The following KIAA0513 variants were observed in gnomAD, a reference collection of about 807,000 sequenced individuals.
KIAA0513 encodes KIAA0513, also known as uncharacterized protein KIAA0513.
A neutral mutation model predicts 56.5 loss-of-function variants in KIAA0513; 39 were observed. That is an observed-to-expected ratio of 0.69 (90% CI 0.53 to 0.90). KIAA0513 has a LOEUF of 0.90. Ranked by LOEUF, KIAA0513 falls within the 40% of genes least tolerant of loss-of-function variation. The pLI is 0.00. For synonymous variants in KIAA0513, 268 were observed against 215.6 expected (o/e 1.24, Z -2.13); for missense variants, 591 against 535.2 (o/e 1.10, Z -1.03).
At position 85,081,507 on chromosome 16, in the gene KIAA0513, T is replaced by C. The variant is rs145579267; in HGVS notation, c.980+115T>C. 145 of 941,034 alleles carry C rather than the reference T, an allele frequency of 1.5e-4. No homozygotes were observed. The highest frequency in any genetic ancestry group is 2.1e-4 in the Non-Finnish European group (126 of 596,634). 58.3% of individuals were successfully genotyped at this position (941,034 alleles called of 1,614,324 possible). A position where few individuals can be genotyped will look rare whatever the true frequency, so the allele number is the denominator to read the frequency against. On this transcript the variant is annotated intron_variant, in intron 9 of 12. Transcript: ENST00000683363. The surrounding 1 kb of genome is among the most constrained non-coding windows in gnomAD (Gnocchi z 4.4). ...GCAGCTGAGTGGACGTGTCTGTTTTTTCTTCACCCCCTCATGGCCCTGGTG... is the reference window on the plus strand; with the variant it reads ...GCAGCTGAGTGGACGTGTCTGTTTTCTCTTCACCCCCTCATGGCCCTGGTG...
intron 1 of KIAA0513, among the ~76,000 whole-genome samples, chr16:85,052,419 C>T (rs1453648735): frequency 4.6e-5 from 7 of 152,068 alleles, no homozygotes; most frequent in Admixed American, 2.6e-4. Flanking sequence ...GGCTGAGGCA[C>T]CAGAATCGCT....
In KIAA0513 at chr16:85,089,063, A is replaced by G. The variant is rs1213086053; in HGVS notation, c.*738A>G. On this transcript the variant is annotated 3_prime_UTR_variant, in exon 13 of 13. Coordinates refer to ENST00000683363, the MANE Select transcript of KIAA0513 (RefSeq NM_001388359.1). This position sits in a 1 kb window ranked among gnomAD's most constrained non-coding sequence, Gnocchi z 4.2. ...AGCAGTGCCGAGGTGTCCGCGGCAG[A>G]CCACACAGACCGTCTGAAATGCGCC... 6.6e-6 allele frequency: 1 copy of G among 152,244 alleles called. No individual in the cohort carries two copies. The highest frequency in any genetic ancestry group is 1.5e-5 in the Non-Finnish European group (1 of 68,040). The allele number at this position is 152,244 out of a possible 1,614,324, so 9.4% of individuals were successfully genotyped here. A position where few individuals can be genotyped will look rare whatever the true frequency, so the allele number is the denominator to read the frequency against.
intron 1 of KIAA0513, among the ~76,000 whole-genome samples, chr16:85,052,030 A>G (rs1311561753): frequency 1.3e-5 from 2 of 150,974 alleles, no homozygotes; most frequent in Non-Finnish European, 1.5e-5. Context: ...CCTTTCTAAA[A>G]CGACGCATTG....
intron 7 of KIAA0513, 68 bp from the exon 8 acceptor site, chr16:85,078,857 C>T (rs1240350211): frequency 1.1e-5 from 17 of 1,539,522 alleles, no homozygotes; most frequent in Non-Finnish European, 1.5e-5. Flanking sequence ...GGGAGGCTGT[C>T]ACCCGGGGTT....
At chr16:85,030,662 G>GT (rs1037706424) in intron 1 of KIAA0513, among the ~76,000 whole-genome samples, 4 of 151,674 alleles carry the variant, frequency 2.6e-5, no homozygotes, top group African/African-American at 9.7e-5. Flanking sequence ...CAGAATCACT[G>GT]GAACCCAGGA....
At chr16:85,029,756 G>T (rs1280600570) in intron 1 of KIAA0513, among the ~76,000 whole-genome samples, 2 of 152,210 alleles carry the variant, frequency 1.3e-5, no homozygotes, top group Non-Finnish European at 2.9e-5. Context: ...GGAAAGACAT[G>T]CAAAGGCAGG....
At chr16:85,034,099 C>T (rs1476727554) in intron 1 of KIAA0513, among the ~76,000 whole-genome samples, 1 of 152,180 alleles carries the variant, frequency 6.6e-6, no homozygotes, top group East Asian at 1.9e-4. Context: ...GCTGATGAGG[C>T]CAGGCATGGT....
chr16:85,061,489 G>A (rs1597617596), intron 1 of KIAA0513, among the ~76,000 whole-genome samples: 1 of 152,214 alleles, frequency 6.6e-6, no homozygotes, highest in East Asian at 1.9e-4. Flanking sequence ...TGTGATGTGT[G>A]TGTGTTGTGT....
At chr16:85,083,237 C>T (rs1357580082) in intron 10 of KIAA0513, among the ~76,000 whole-genome samples, 1 of 152,222 alleles carries the variant, frequency 6.6e-6, no homozygotes, top group African/African-American at 2.4e-5. Context: ...GGGTCTGACT[C>T]TCTCTGTTCC....
intron 1 of KIAA0513, among the ~76,000 whole-genome samples, chr16:85,065,244 A>G (rs2073462036): frequency 1.3e-5 from 2 of 152,180 alleles, no homozygotes; most frequent in East Asian, 3.9e-4. Context: ...TCCAATCTTG[A>G]TGCCTCGGCC....
chr16:85,087,501 C>A (rs2073823330), intron 12 of KIAA0513, among the ~76,000 whole-genome samples: 1 of 152,192 alleles, frequency 6.6e-6, no homozygotes, highest in South Asian at 2.1e-4. Context: ...CAAGTTGCCC[C>A]CTTCTAAATG....
chr16:85,053,235 G>A (rs913353879), intron 1 of KIAA0513, among the ~76,000 whole-genome samples: 3 of 152,148 alleles, frequency 2.0e-5, no homozygotes, highest in Non-Finnish European at 2.9e-5. Flanking sequence ...TGAGTTATTG[G>A]AAGGCAGACA....
intron 1 of KIAA0513, among the ~76,000 whole-genome samples, chr16:85,051,188 C>G (rs920003313): frequency 2.0e-5 from 3 of 152,190 alleles, no homozygotes. Flanking sequence ...AGTTGAAGCC[C>G]TAGTTTTGTG....
chr16:85,088,508 C>G lies in KIAA0513; in HGVS notation c.*183C>G. ...CCTCCCTCATCTCCTCTGCCTGTGT[C>G]TGCGACCCCCATCCATGTGCCAAAG... is the stretch of plus-strand genomic sequence containing the variant. On this transcript the variant is annotated 3_prime_UTR_variant, in exon 13 of 13. Transcript: ENST00000683363. 1 of 595,260 alleles carries G rather than the reference C, an allele frequency of 1.7e-6. No homozygotes were observed. The highest frequency in any genetic ancestry group is 3.0e-6 in the Non-Finnish European group (1 of 332,900). 36.9% of individuals were successfully genotyped at this position (595,260 alleles called of 1,614,324 possible).
In KIAA0513 at chr16:85,045,917, C is replaced by G. The variant is rs1225914679; in HGVS notation, c.-173+18059C>G. On this transcript the variant is annotated intron_variant, in intron 1 of 12. Coordinates refer to ENST00000683363, the MANE Select transcript of KIAA0513 (RefSeq NM_001388359.1). ...TTCTGTACTTATCTTAGTCCCATGG[C>G]TGTGCTCCTGCAGGGCCAGGCAGAT... Among the ~76,000 whole-genome samples the G allele has an allele frequency of 3.9e-5, 6 of 152,156 alleles. No homozygotes were observed. In the East Asian group the frequency reaches 1.2e-3, roughly 29 times the overall value.
intron 7 of KIAA0513, 24 bp from the exon 8 acceptor site, chr16:85,078,901 C>G: frequency 1.2e-6 from 2 of 1,613,952 alleles, no homozygotes; most frequent in East Asian, 4.5e-5. Context: ...GAGCTGCTTT[C>G]AGCCATTCTC....
In KIAA0513 at chr16:85,088,377, G is replaced by C; in HGVS notation, c.*52G>C. On this transcript the variant is annotated 3_prime_UTR_variant, in exon 13 of 13. Coordinates refer to ENST00000683363, the MANE Select transcript of KIAA0513 (RefSeq NM_001388359.1). ...GACTGAGGCCATGTGCCATTCTCCC[G>C]GGCCCAGCGCCCGGCCGTCACCCCA... is the stretch of plus-strand genomic sequence containing the variant. The C allele has an allele frequency of 6.5e-7, 1 of 1,544,216 alleles. No individual in the cohort carries two copies. The highest frequency in any genetic ancestry group is 8.9e-7 in the Non-Finnish European group (1 of 1,127,896).
chr16:85,077,422 A>C lies in KIAA0513; in HGVS notation c.575-3A>C, dbSNP rs752175573. 7.1e-5 allele frequency: 115 copies of C among 1,613,590 alleles called. 1 individual carries two copies. The Middle Eastern group carries it at 1.6e-3, about 23-fold the overall frequency. On this transcript the variant is annotated splice_polypyrimidine_tract_variant and splice_region_variant and intron_variant, in intron 5 of 12. Transcript: ENST00000683363. ...CCTCGTCTTGTTCCCTCTCTCATCCAAGGAAAACCACAGCTGCTGCCCCCG... is the reference window on the plus strand; with the variant it reads ...CCTCGTCTTGTTCCCTCTCTCATCCCAGGAAAACCACAGCTGCTGCCCCCG...
chr16:85,049,450 T>C (rs971273721), intron 1 of KIAA0513, among the ~76,000 whole-genome samples: 6 of 152,204 alleles, frequency 3.9e-5, no homozygotes, highest in Admixed American at 1.3e-4. Flanking sequence ...TCCTGTCGAA[T>C]TGTAATCTCC....
Sources: allele counts gnomAD v4.1 joint callset (sites outside exome capture counted in the v4.1 genomes callset), GRCh38; gene constraint gnomAD v4.1.1; non-coding constraint Gnocchi (gnomAD v3.1); transcripts MANE v1.5; gene names NCBI Gene and HGNC (gene_info 2026-07-23, HGNC 2026-07-21).